SLC35F4: variants seen among roughly 807,000 people sequenced by gnomAD.
The protein encoded by SLC35F4 is chromosome 14 open reading frame 36.
SLC35F4 carries 24 observed loss-of-function variants against 44.2 expected under a neutral mutation model. The observed-to-expected ratio is 0.54, with a 90% CI of 0.39 to 0.76. SLC35F4 has a LOEUF of 0.76. SLC35F4 is among the 30% of genes least tolerant of loss of function. The pLI is 0.00. For missense variants in SLC35F4, 562 were observed against 586.1 expected, an observed-to-expected ratio of 0.96 and a Z score of 0.42; for synonymous variants, 238 against 223.6, an observed-to-expected ratio of 1.06 and a Z score of -0.57.
At chr14:57,704,738 C>T (rs375481593) in intron 1 of SLC35F4, among the ~76,000 whole-genome samples, 8 of 152,110 alleles carry the variant, frequency 5.3e-5, no homozygotes, top group African/African-American at 9.7e-5. Context: ...AGAAAGAGCT[C>T]GCTTCTGTGG....
chr14:57,951,589 C>T (rs768231714), intron 1 of SLC35F4, among the ~76,000 whole-genome samples: 1 of 152,146 alleles, frequency 6.6e-6, no homozygotes, highest in South Asian at 2.1e-4. Flanking sequence ...TACATTTGAG[C>T]TTGGTGTGGG....
At chr14:57,914,546 T>A (rs1315990485) in intron 1 of SLC35F4, among the ~76,000 whole-genome samples, 1 of 151,104 alleles carries the variant, frequency 6.6e-6, no homozygotes, top group Non-Finnish European at 1.5e-5. Flanking sequence ...CTGGGCAGCA[T>A]AGCGAGACTC....
chr14:57,781,396 T>A (rs955222423), intron 1 of SLC35F4, among the ~76,000 whole-genome samples: 24 of 152,116 alleles, frequency 1.6e-4, no homozygotes, highest in African/African-American at 5.8e-4. Context: ...ATGGCTATTA[T>A]TAAAAAATCA....
intron 1 of SLC35F4, among the ~76,000 whole-genome samples, chr14:57,709,956 G>A (rs551607653): frequency 2.6e-5 from 4 of 152,340 alleles, no homozygotes; most frequent in South Asian, 2.1e-4. Context: ...ATGTTCTGAG[G>A]AGAAATTCAA....
chr14:57,872,164 C>A (rs1293893380), intron 1 of SLC35F4, among the ~76,000 whole-genome samples: 2 of 152,292 alleles, frequency 1.3e-5, no homozygotes, highest in East Asian at 3.9e-4. Flanking sequence ...GTACTATTGC[C>A]AAAAGCAATT....
intron 1 of SLC35F4, among the ~76,000 whole-genome samples, chr14:57,784,287 A>T (rs566851977): frequency 2.6e-5 from 4 of 152,328 alleles, no homozygotes; most frequent in African/African-American, 9.6e-5. Context: ...AAGGGTCCCA[A>T]TTATTCAAGA....
intron 1 of SLC35F4, among the ~76,000 whole-genome samples, chr14:57,694,744 T>G (rs1566770743): frequency 6.6e-6 from 1 of 152,194 alleles, no homozygotes; most frequent in Non-Finnish European, 1.5e-5. Context: ...GTTTTCTGTA[T>G]AGAGGTCTTA....
At chr14:57,850,867 G>A (rs1050729456) in intron 1 of SLC35F4, among the ~76,000 whole-genome samples, 13 of 152,190 alleles carry the variant, frequency 8.5e-5, no homozygotes, top group African/African-American at 3.1e-4. Flanking sequence ...AGACTGCATG[G>A]ATGGTTTTTG....
chr14:57,608,999 G>A (rs945424372), intron 1 of SLC35F4, among the ~76,000 whole-genome samples: 4 of 152,116 alleles, frequency 2.6e-5, no homozygotes, highest in Non-Finnish European at 5.9e-5. Flanking sequence ...AGCGCATGCA[G>A]GAAGTATAGA....
intron 1 of SLC35F4, among the ~76,000 whole-genome samples, chr14:57,641,088 G>A (rs1168461631): frequency 6.6e-6 from 1 of 151,696 alleles, no homozygotes; most frequent in African/African-American, 2.4e-5. Flanking sequence ...TAAAGAAACA[G>A]TTGTTCTATA....
chr14:57,630,729 C>T (rs996267641), intron 1 of SLC35F4: 39 of 530,162 alleles, frequency 7.4e-5, no homozygotes, highest in Non-Finnish European at 1.1e-4. Context: ...GTGTCATTCA[C>T]TTATTCATAG....
chr14:57,870,420 A>G (rs1033113996), upstream of SLC35F4, among the ~76,000 whole-genome samples: 2 of 152,114 alleles, frequency 1.3e-5, no homozygotes, highest in Non-Finnish European at 2.9e-5. Context: ...TGAAATCTCT[A>G]TGACTCAATT....
At position 57,817,282 on chromosome 14, in the gene SLC35F4, G is replaced by T. The variant is rs141764138; in HGVS notation, c.103+48441C>A. On this transcript the variant is annotated intron_variant, in intron 1 of 7. Transcript: ENST00000556826. ...CTTAACCAGTGCCCTGATAAGAGTG[G>T]GCCCTTGAGCCTTAGATGTAGAAAG... Among the ~76,000 whole-genome samples, 117 of 152,140 alleles carry T rather than the reference G, an allele frequency of 7.7e-4. No individual in the cohort carries two copies. The Middle Eastern group carries it at 0.01, about 13-fold the overall frequency.
At chr14:57,805,228 T>G (rs1488570774) in intron 1 of SLC35F4, among the ~76,000 whole-genome samples, 1 of 152,186 alleles carries the variant, frequency 6.6e-6, no homozygotes. Flanking sequence ...CTCAAAGACC[T>G]AGAACCAGAA....
At chr14:57,635,092 A>C (rs1276540260) in intron 1 of SLC35F4, among the ~76,000 whole-genome samples, 1 of 152,032 alleles carries the variant, frequency 6.6e-6, no homozygotes, top group Non-Finnish European at 1.5e-5. Context: ...CCTACCAAAA[A>C]GAAATTGGTA....
chr14:57,757,848 T>C (rs1391751114), intron 1 of SLC35F4, among the ~76,000 whole-genome samples: 1 of 152,178 alleles, frequency 6.6e-6, no homozygotes, highest in Non-Finnish European at 1.5e-5. Flanking sequence ...TTCTTTTATG[T>C]AGATTTGGAT....
chr14:57,788,019 T>A (rs1166490082), intron 1 of SLC35F4, among the ~76,000 whole-genome samples: 1 of 152,114 alleles, frequency 6.6e-6, no homozygotes, highest in African/African-American at 2.4e-5. Flanking sequence ...TCTGCTCCCT[T>A]AGGAGACTCA....
intron 1 of SLC35F4, among the ~76,000 whole-genome samples, chr14:57,619,418 C>T (rs2072049648): frequency 6.6e-6 from 1 of 152,128 alleles, no homozygotes; most frequent in Admixed American, 6.5e-5. Context: ...AGTGGACCTC[C>T]AACAAACTCC....
At chr14:57,938,662 A>T (rs1169193805) in intron 1 of SLC35F4, among the ~76,000 whole-genome samples, 1 of 152,190 alleles carries the variant, frequency 6.6e-6, no homozygotes, top group African/African-American at 2.4e-5. Flanking sequence ...CACTTAACAC[A>T]TGAAGATTTT....
Sources: gnomAD v4.1 joint callset for allele counts (sites outside exome capture counted in the v4.1 genomes callset) on GRCh38, gnomAD v4.1.1 for gene constraint, MANE v1.5 for transcripts, NCBI Gene and HGNC (gene_info 2026-07-23, HGNC 2026-07-21) for gene names.